MAD1L1: variants seen among roughly 807,000 people sequenced by gnomAD.
MAD1L1 encodes the protein mitotic spindle assembly checkpoint protein MAD1.
A neutral mutation model predicts 96.9 loss-of-function variants in MAD1L1; 95 were observed. The observed-to-expected ratio is 0.98, with a 90% CI of 0.83 to 1.16. MAD1L1 has a LOEUF of 1.16. MAD1L1 is among the 50% of genes most tolerant of loss of function. The pLI is 0.00. For synonymous variants in MAD1L1, 473 were observed against 396.6 expected (o/e 1.19, Z -2.29); for missense variants, 1,007 against 954.4 (o/e 1.06, Z -0.73).
intron 15 of MAD1L1, among the ~76,000 whole-genome samples, chr7:1,966,797 A>G (rs1277958265): frequency 1.3e-5 from 2 of 152,248 alleles, no homozygotes; most frequent in African/African-American, 4.8e-5. Flanking sequence ...GGAACGCCGC[A>G]ATCGTGGCGT....
In MAD1L1 at chr7:2,183,745, A is replaced by C. The variant is rs564701997; in HGVS notation, c.986+29467T>G. 2.2e-3 allele frequency among the ~76,000 whole-genome samples: 339 copies of C among 151,806 alleles called. 3 individuals carry two copies. Among genetic ancestry groups the C allele is most frequent in the African/African-American group, 7.7e-3 (320 of 41,400 alleles). On this transcript the variant is annotated intron_variant, in intron 10 of 18. Transcript: ENST00000265854. ...GGAAGGGGAACATCACACACCGGGG[A>C]CTGTCGTGGGGTGGGGGGAGCGGGG...
At chr7:2,042,190 C>T (rs895375434) in intron 12 of MAD1L1, among the ~76,000 whole-genome samples, 8 of 151,330 alleles carry the variant, frequency 5.3e-5, no homozygotes, top group African/African-American at 9.8e-5. Flanking sequence ...CACACACACA[C>T]GCACATGGAC....
At chr7:1,936,920 G>A (rs2280550) in intron 16 of MAD1L1, 23 bp from the exon 17 acceptor site, 570,477 of 1,554,304 alleles carry the variant, frequency 0.37, 109,658 homozygotes, top group East Asian at 0.45. Context: ...ACACAGCACA[G>A]GTCACCATGG....
At chr7:2,229,824 C>T (rs138647497) in intron 3 of MAD1L1, among the ~76,000 whole-genome samples, 160 bp downstream of exon 3, 4 of 152,266 alleles carry the variant, frequency 2.6e-5, no homozygotes, top group African/African-American at 9.6e-5. Context: ...CCAGCTACGA[C>T]CCCAAAATGA....
At chr7:1,927,205 C>T (rs6978112) in intron 17 of MAD1L1, among the ~76,000 whole-genome samples, 76,855 of 151,776 alleles carry the variant, frequency 0.51, 21,388 homozygotes, top group African/African-American at 0.77. Context: ...ACGGTGAAAA[C>T]CACAAAATGT....
chr7:2,216,240 C>G lies in MAD1L1; in HGVS notation c.726G>C (p.Val242=). The G allele has an allele frequency of 6.2e-7, 1 of 1,614,200 alleles. No individual in the cohort carries two copies. Among genetic ancestry groups the G allele is most frequent in the Non-Finnish European group, 8.5e-7 (1 of 1,180,052 alleles). ...GTACCAGCTCAGACTTCATGTTCTT[C>G]ACAATCGCTGCATCCTGCTCTTGCA... ...LSLQEQDAAI[V]KNMKSELVRL... is the part of the protein sequence containing the mutation. Residue 242 remains valine, a synonymous_variant, in exon 8 of 19, where the codon GTG becomes GTC. Coordinates refer to ENST00000265854, the MANE Select transcript of MAD1L1 (RefSeq NM_001013836.2).
In MAD1L1 at chr7:2,216,206, T is replaced by C. The variant is rs775895705; in HGVS notation, c.760A>G (p.Arg254Gly). The change falls in exon 8 of 19, where the codon AGG (arginine) becomes GGG (glycine). Residue 254 changes from arginine to glycine, a missense_variant. Arg to Gly is a moderately radical substitution (Grantham distance 125). Coordinates refer to ENST00000265854, the MANE Select transcript of MAD1L1 (RefSeq NM_001013836.2). ...NMKSELVRLPRLERELKQLRE... is the reference protein window; with the variant it reads ...NMKSELVRLPGLERELKQLRE... ...AGCTGCTTCAGCTCCCGTTCCAGCC[T>C]AGGGAGCCGTACCAGCTCAGACTTC... The C allele has an allele frequency of 3.1e-6, 5 of 1,613,996 alleles. No homozygotes were observed. Among genetic ancestry groups the C allele is most frequent in the South Asian group, 2.2e-5 (2 of 91,084 alleles).
Position 2,225,495 on chromosome 7 carries a change from C to T in MAD1L1, c.206G>A (p.Arg69Gln), listed in dbSNP as rs370103711. 3 of 1,614,150 alleles carry T rather than the reference C, an allele frequency of 1.9e-6. No homozygotes were observed. Among genetic ancestry groups the T allele is most frequent in the Non-Finnish European group, 2.5e-6 (3 of 1,180,044 alleles). ...ACTCAGCTCCATCTGCATTTTCTCC[C>T]GCTCCACCTGGATGAGGTGGGACTT... ...RSKSHLIQVE[R>Q]EKMQMELSHK... The change falls in exon 4 of 19, where the codon CGG (arginine) becomes CAG (glutamine). Residue 69 changes from arginine (R) to glutamine (Q), a missense_variant. Coordinates refer to ENST00000265854, the MANE Select transcript of MAD1L1 (RefSeq NM_001013836.2).
intron 18 of MAD1L1, among the ~76,000 whole-genome samples, chr7:1,878,110 A>G (rs1206187373): frequency 6.6e-6 from 1 of 152,220 alleles, no homozygotes; most frequent in Non-Finnish European, 1.5e-5. Flanking sequence ...TCAAGAAGAT[A>G]CAAATGACCA....
chr7:2,057,099 C>T (rs1784417011), intron 12 of MAD1L1, among the ~76,000 whole-genome samples: 1 of 152,252 alleles, frequency 6.6e-6, no homozygotes, highest in African/African-American at 2.4e-5. Flanking sequence ...GCAGCCATCA[C>T]CGCCTCAACG....
chr7:2,220,789 A>C, intron 5 of MAD1L1: 1 of 1,264,980 alleles, frequency 7.9e-7, no homozygotes, highest in Middle Eastern at 2.0e-4. Flanking sequence ...ACAGTGAAGC[A>C]TCAACCTGGG....
At chr7:1,832,250 A>T (rs1291105111) in intron 18 of MAD1L1, among the ~76,000 whole-genome samples, 1 of 152,162 alleles carries the variant, frequency 6.6e-6, no homozygotes, top group Non-Finnish European at 1.5e-5. Context: ...TCAGTGGAGG[A>T]AGATGGACAG....
intron 3 of MAD1L1, among the ~76,000 whole-genome samples, chr7:2,226,333 C>A (rs544077640): frequency 1.3e-5 from 2 of 152,170 alleles, no homozygotes; most frequent in Non-Finnish European, 2.9e-5. Context: ...AATCTGGGGG[C>A]CCTCTCAGAA....
At chr7:1,987,705 C>A (rs1221375716) in intron 14 of MAD1L1, among the ~76,000 whole-genome samples, 1 of 152,180 alleles carries the variant, frequency 6.6e-6, no homozygotes, top group Non-Finnish European at 1.5e-5. Flanking sequence ...CCCGGCTCCA[C>A]GTCTTTTCTC....
intron 5 of MAD1L1, among the ~76,000 whole-genome samples, chr7:2,220,036 C>T (rs907697794): frequency 1.3e-5 from 2 of 152,228 alleles, no homozygotes; most frequent in Non-Finnish European, 2.9e-5. Context: ...TCGGTCTTCC[C>T]TCCAACCGTG....
intron 10 of MAD1L1, among the ~76,000 whole-genome samples, chr7:2,181,402 A>T (rs1791194096): frequency 6.6e-6 from 1 of 152,250 alleles, no homozygotes; most frequent in Non-Finnish European, 1.5e-5. Context: ...TAGCCATGAG[A>T]AATACAAATT....
intron 18 of MAD1L1, among the ~76,000 whole-genome samples, chr7:1,873,445 C>T (rs1463231114): frequency 8.4e-6 from 1 of 118,956 alleles, no homozygotes; most frequent in Non-Finnish European, 1.7e-5. Flanking sequence ...ATGCGAGGGG[C>T]GGTGGGGAGG....
chr7:2,210,920 A>G (rs1792908947), intron 10 of MAD1L1, among the ~76,000 whole-genome samples: 1 of 152,142 alleles, frequency 6.6e-6, no homozygotes, highest in African/African-American at 2.4e-5. Flanking sequence ...GTACACGATC[A>G]CGTCGGATCT....
chr7:2,132,180 A>G (rs1259740844), intron 11 of MAD1L1, among the ~76,000 whole-genome samples: 1 of 152,150 alleles, frequency 6.6e-6, no homozygotes, highest in East Asian at 1.9e-4. Flanking sequence ...TCAAGCAATT[A>G]TAGGTTTACA....
Sources: gnomAD v4.1 joint callset for allele counts (sites outside exome capture counted in the v4.1 genomes callset) on GRCh38, gnomAD v4.1.1 for gene constraint, MANE v1.5 for transcripts, NCBI Gene and HGNC (gene_info 2026-07-23, HGNC 2026-07-21) for gene names.